Variants in ZNF385D observed in about 807,000 individuals in gnomAD.
ZNF385D encodes zinc finger protein 659.
In ZNF385D, 15 loss-of-function variants were observed where a neutral mutation model predicts 35.8. The observed-to-expected ratio is 0.42, with a 90% CI of 0.28 to 0.64. The LOEUF is 0.64. Ranked by LOEUF, ZNF385D falls within the 30% of genes least tolerant of loss-of-function variation. The pLI is 0.23. For synonymous variants in ZNF385D, 212 were observed against 186.8 expected, an observed-to-expected ratio of 1.13 and a Z score of -1.10; for missense variants, 474 against 494.6, an observed-to-expected ratio of 0.96 and a Z score of 0.39.
intron 2 of ZNF385D, among the ~76,000 whole-genome samples, chr3:22,303,211 G>A (rs1230613452): frequency 6.6e-6 from 1 of 152,116 alleles, no homozygotes; most frequent in Non-Finnish European, 1.5e-5. Flanking sequence ...GCAGCTACAT[G>A]TATTGTGTGT....
chr3:22,176,164 A>G lies in ZNF385D; in HGVS notation c.107-7129T>C, dbSNP rs542945961. 9.9e-5 allele frequency among the ~76,000 whole-genome samples: 15 copies of G among 152,162 alleles called. No homozygotes were observed. The East Asian group carries it at 1.5e-3, about 16-fold the overall frequency. ...TACTATAATTCTGTAAATATCTAAC[A>G]TACACATATTCTAACACAACATTCA... is the stretch of plus-strand genomic sequence containing the variant. On this transcript the variant is annotated intron_variant, in intron 2 of 5. Coordinates refer to the ZNF385D transcript ENST00000494108.
At chr3:21,926,629 C>T (rs1314531045) in intron 3 of ZNF385D, among the ~76,000 whole-genome samples, 2 of 152,020 alleles carry the variant, frequency 1.3e-5, no homozygotes, top group Non-Finnish European at 2.9e-5. Context: ...TGCTTCCTTA[C>T]ACCTTATACA....
chr3:21,493,232 T>G (rs540480932), intron 4 of ZNF385D, among the ~76,000 whole-genome samples: 2 of 152,232 alleles, frequency 1.3e-5, no homozygotes, highest in South Asian at 4.1e-4. Flanking sequence ...TTTTCTGTAT[T>G]ATTTAGCAAA....
intron 3 of ZNF385D, among the ~76,000 whole-genome samples, chr3:22,004,328 T>A (rs1434433675): frequency 6.6e-6 from 1 of 152,004 alleles, no homozygotes; most frequent in African/African-American, 2.4e-5. Flanking sequence ...ACTATAAAAT[T>A]AGAAAGAAAA....
rs1700534736 is a variant in ZNF385D at position 21,414,511 on chromosome 3, A to T, written c.*6703T>A. The T allele has an allele frequency of 6.6e-6, 1 of 152,164 alleles. No individual in the cohort carries two copies. The highest frequency in any genetic ancestry group is 2.1e-4 in the South Asian group (1 of 4,836). The allele number at this position is 152,164 out of a possible 1,614,324, so 9.4% of individuals were successfully genotyped here. A position where few individuals can be genotyped will look rare whatever the true frequency, so the allele number is the denominator to read the frequency against. On this transcript the variant is annotated 3_prime_UTR_variant, in exon 8 of 8. Coordinates refer to ENST00000281523, the MANE Select transcript of ZNF385D (RefSeq NM_024697.3). ...ATAAGTCACATTTTAAAACGACTTT[A>T]TGAAATTTATAGAAATATGGCTTAG...
At chr3:22,240,952 T>C (rs1364264691) in intron 2 of ZNF385D, among the ~76,000 whole-genome samples, 1 of 151,000 alleles carries the variant, frequency 6.6e-6, no homozygotes, top group South Asian at 2.2e-4. Context: ...ATTTGTTTGC[T>C]TCTACATCTC....
intron 1 of ZNF385D, among the ~76,000 whole-genome samples, chr3:21,717,283 T>C (rs1225379300): frequency 6.6e-6 from 1 of 152,144 alleles, no homozygotes; most frequent in East Asian, 1.9e-4. Context: ...CTTTAAATCA[T>C]AAAATCACAT....
At chr3:21,601,573 T>G (rs957723710) in intron 2 of ZNF385D, among the ~76,000 whole-genome samples, 1 of 152,204 alleles carries the variant, frequency 6.6e-6, no homozygotes, top group Non-Finnish European at 1.5e-5. Context: ...CTTCTTCACT[T>G]TTATAAGGTT....
intron 3 of ZNF385D, among the ~76,000 whole-genome samples, chr3:22,115,970 C>T (rs1702790148): frequency 6.6e-6 from 1 of 152,034 alleles, no homozygotes; most frequent in African/African-American, 2.4e-5. Context: ...CAAACTGAAG[C>T]TGGAAGCTAA....
chr3:21,968,899 T>C (rs952315323), intron 3 of ZNF385D, among the ~76,000 whole-genome samples: 1 of 152,162 alleles, frequency 6.6e-6, no homozygotes, highest in Non-Finnish European at 1.5e-5. Context: ...CACAGTGGTG[T>C]GGAGTACCAA....
intron 1 of ZNF385D, among the ~76,000 whole-genome samples, chr3:21,684,438 CTCTT>C (rs2067038566): frequency 2.5e-5 from 3 of 118,092 alleles, no homozygotes; most frequent in South Asian, 5.8e-4. Flanking sequence ...TCTCCTCTCT[CTCTT>C]TCTTTCTTTC....
intron 3 of ZNF385D, among the ~76,000 whole-genome samples, chr3:22,145,391 C>T (rs1704786970): frequency 6.6e-6 from 1 of 152,210 alleles, no homozygotes; most frequent in East Asian, 1.9e-4. Context: ...TATTTGAATG[C>T]AAGTTTCTTC....
chr3:22,026,617 A>G (rs750528563), intron 3 of ZNF385D, among the ~76,000 whole-genome samples: 1 of 152,210 alleles, frequency 6.6e-6, no homozygotes, highest in Non-Finnish European at 1.5e-5. Flanking sequence ...CAATGCCAGA[A>G]TGCGTAATTG....
chr3:21,851,675 T>G (rs1201935322), intron 3 of ZNF385D, among the ~76,000 whole-genome samples: 1 of 151,988 alleles, frequency 6.6e-6, no homozygotes, highest in Non-Finnish European at 1.5e-5. Flanking sequence ...GAACATAAAA[T>G]GATAAATTTT....
chr3:21,499,657 AC>A (rs529268200), intron 4 of ZNF385D, among the ~76,000 whole-genome samples: 215 of 151,170 alleles, frequency 1.4e-3, no homozygotes, highest in Middle Eastern at 6.8e-3. Flanking sequence ...AAAAAAAAAA[AC>A]CAAAAAACGA....
chr3:21,549,123 G>A (rs576425017), intron 3 of ZNF385D, among the ~76,000 whole-genome samples: 6 of 152,292 alleles, frequency 3.9e-5, no homozygotes, highest in Non-Finnish European at 7.4e-5. Context: ...TCTAAGAGAA[G>A]TTGATAGAAA....
At chr3:21,745,738 C>A (rs12494689) in intron 1 of ZNF385D, among the ~76,000 whole-genome samples, 3,409 of 152,218 alleles carry the variant, frequency 0.022, 48 homozygotes, top group South Asian at 0.049. Context: ...TTTCCTAGTG[C>A]AATACAAATG....
At chr3:22,044,826 G>A (rs1328805634) in intron 3 of ZNF385D, among the ~76,000 whole-genome samples, 2 of 151,992 alleles carry the variant, frequency 1.3e-5, no homozygotes, top group African/African-American at 2.4e-5. Flanking sequence ...TGTGAGAAAT[G>A]GGAGGAGGAG....
chr3:21,925,251 A>G (rs910897494), intron 3 of ZNF385D, among the ~76,000 whole-genome samples: 1 of 152,178 alleles, frequency 6.6e-6, no homozygotes, highest in Admixed American at 6.6e-5. Flanking sequence ...AAGACTTTCT[A>G]TATAGCTATG....
Sources: gnomAD v4.1 joint callset for allele counts (sites outside exome capture counted in the v4.1 genomes callset) on GRCh38, gnomAD v4.1.1 for gene constraint, MANE v1.5 for transcripts, NCBI Gene and HGNC (gene_info 2026-07-23, HGNC 2026-07-21) for gene names.